SETBP1: variants seen among roughly 807,000 people sequenced by gnomAD.
The protein encoded by SETBP1 is SET binding protein 1.
A neutral mutation model predicts 101.0 loss-of-function variants in SETBP1; 9 were observed. The ratio of observed to expected loss-of-function variants is 0.09; its 90% CI spans 0.05 to 0.16. The LOEUF (loss-of-function observed/expected upper bound fraction) is 0.16. Ranked by LOEUF, SETBP1 falls within the 10% of genes least tolerant of loss-of-function variation. SETBP1 has a pLI of 1.00. For missense variants in SETBP1, 1,858 were observed against 2,033.8 expected (o/e 0.91, Z 1.66); for synonymous variants, 818 against 788.5 (o/e 1.04, Z -0.63).
intron 2 of SETBP1, among the ~76,000 whole-genome samples, chr18:44,840,285 C>T (rs1369547628): frequency 2.0e-5 from 3 of 152,214 alleles, no homozygotes; most frequent in Non-Finnish European, 4.4e-5. Flanking sequence ...AGCCAATGAG[C>T]CAGCATGCCT....
intron 2 of SETBP1, among the ~76,000 whole-genome samples, chr18:44,769,978 A>G: frequency 6.6e-6 from 1 of 152,248 alleles, no homozygotes; most frequent in East Asian, 1.9e-4. Context: ...CAACTGAACC[A>G]TCTAAAGAAA....
chr18:44,837,648 G>C (rs942421326), intron 2 of SETBP1, among the ~76,000 whole-genome samples: 2 of 152,128 alleles, frequency 1.3e-5, no homozygotes, highest in Non-Finnish European at 2.9e-5. Context: ...GAGGCGATGC[G>C]GTCCATTTGC....
At chr18:44,961,642 A>G (rs2071613364) in intron 4 of SETBP1, among the ~76,000 whole-genome samples, 1 of 152,188 alleles carries the variant, frequency 6.6e-6, no homozygotes, top group African/African-American at 2.4e-5. Context: ...ATACTATGTC[A>G]TTCCACATGT....
Position 44,951,788 on chromosome 18 carries a change from C to T in SETBP1, c.2448C>T (p.Thr816=). ...PNLQPISALP[T]KTQKGIHSGT... ...TCCAGCCCATCAGTGCTCTTCCAAC[C>T]AAAACCCAAAAGGGAATACACAGTG... is the stretch of plus-strand genomic sequence containing the variant. Residue 816 remains threonine, a synonymous_variant, in exon 4 of 6, where the codon ACC becomes ACT. Transcript: ENST00000649279. The surrounding 1 kb of genome is among the most constrained non-coding windows in gnomAD (Gnocchi z 7.8). The T allele has an allele frequency of 6.2e-7, 1 of 1,614,096 alleles. No homozygotes were observed. The highest frequency in any genetic ancestry group is 8.5e-7 in the Non-Finnish European group (1 of 1,180,026).
At chr18:44,947,003 GCTT>G (rs1236505154) in intron 3 of SETBP1, among the ~76,000 whole-genome samples, 15 of 152,192 alleles carry the variant, frequency 9.9e-5, no homozygotes, top group African/African-American at 3.4e-4. Context: ...TAAAATGTAT[GCTT>G]CTTCATTCAT....
chr18:44,886,621 C>T (rs1182264619), intron 3 of SETBP1, among the ~76,000 whole-genome samples: 2 of 151,832 alleles, frequency 1.3e-5, no homozygotes, highest in African/African-American at 4.8e-5. Context: ...TAGGAAGGGC[C>T]CTGTCACCTT....
rs2070312507 is a variant in SETBP1 at position 44,911,677 on chromosome 18, C to A, written c.541-38204C>A. On this transcript the variant is annotated intron_variant, in intron 3 of 5. Transcript: ENST00000649279. ...AAATTGTACTACAGGTCTAGCCCTG[C>A]CAAACCTCACCCAGGGAGCCCTCTG... 1.3e-5 allele frequency among the ~76,000 whole-genome samples: 2 copies of A among 152,196 alleles called. 1 individual carries two copies. The highest frequency in any genetic ancestry group is 4.1e-4 in the South Asian group (2 of 4,826).
chr18:44,928,142 A>G (rs1273389546), intron 3 of SETBP1, among the ~76,000 whole-genome samples: 1 of 152,090 alleles, frequency 6.6e-6, no homozygotes, highest in East Asian at 1.9e-4. Flanking sequence ...AAGTGTTCTC[A>G]TTGTTCAATT....
chr18:45,026,961 G>A lies in SETBP1; in HGVS notation c.4001-11524G>A, dbSNP rs538033546. ...TCCCCCACCACCACTGACCTGGGAA[G>A]AATAGAATCTGATGTTGGAGATGCA... On this transcript the variant is annotated intron_variant, in intron 4 of 5. Transcript: ENST00000649279. Among the ~76,000 whole-genome samples, 31 of 152,298 alleles carry A rather than the reference G, an allele frequency of 2.0e-4. 1 individual carries two copies. Among genetic ancestry groups the A allele is most frequent in the Admixed American group, 7.2e-4 (11 of 15,282 alleles).
rs148266594 is a variant in SETBP1, at chr18:44,977,028, G to A, written c.4000+23688G>A. On this transcript the variant is annotated intron_variant, in intron 4 of 5. Coordinates refer to ENST00000649279, the MANE Select transcript of SETBP1 (RefSeq NM_015559.3). The stretch of plus-strand genomic sequence containing the variant: ...TTGATATATGTAAAGAACATATTGA[G>A]TTTCTAACCTGTAATAAATCATCAA... Among the ~76,000 whole-genome samples the A allele has an allele frequency of 7.1e-3, 1,087 of 152,252 alleles. 8 individuals are homozygous for A. Among genetic ancestry groups the A allele is most frequent in the African/African-American group, 0.024 (1,017 of 41,552 alleles).
At chr18:45,016,198 T>TA (rs1568029704) in intron 4 of SETBP1, among the ~76,000 whole-genome samples, 1 of 152,186 alleles carries the variant, frequency 6.6e-6, no homozygotes, top group Non-Finnish European at 1.5e-5. Context: ...GGGGGAGGTT[T>TA]TCCCTTATAC....
intron 2 of SETBP1, among the ~76,000 whole-genome samples, chr18:44,788,028 G>A (rs1353976123): frequency 5.3e-5 from 8 of 150,248 alleles, no homozygotes; most frequent in Non-Finnish European, 7.4e-5. Flanking sequence ...CACAATAGGA[G>A]CAGAGCTATG....
At chr18:44,928,215 T>G (rs1027164422) in intron 3 of SETBP1, among the ~76,000 whole-genome samples, 1 of 152,204 alleles carries the variant, frequency 6.6e-6, no homozygotes, top group African/African-American at 2.4e-5. Flanking sequence ...TTGCTCAGAA[T>G]GATGGTTTCC....
At chr18:45,038,100 G>A (rs1003136940) in intron 4 of SETBP1, among the ~76,000 whole-genome samples, 12 of 152,158 alleles carry the variant, frequency 7.9e-5, no homozygotes, top group Non-Finnish European at 1.3e-4. Context: ...GAGATGAGAA[G>A]TCTTACTAGG....
At chr18:45,040,053 A>T (rs1303906315) in intron 5 of SETBP1, among the ~76,000 whole-genome samples, 1 of 152,200 alleles carries the variant, frequency 6.6e-6, no homozygotes, top group African/African-American at 2.4e-5. Flanking sequence ...ACACCGAATT[A>T]CACAATCATA....
chr18:44,994,607 T>C (rs999493359), intron 4 of SETBP1, among the ~76,000 whole-genome samples: 2 of 152,216 alleles, frequency 1.3e-5, no homozygotes, highest in Non-Finnish European at 2.9e-5. Context: ...GGGAAAATTT[T>C]TTTTGTGATA....
At chr18:44,817,167 A>G (rs1308958106) in intron 2 of SETBP1, among the ~76,000 whole-genome samples, 1 of 152,206 alleles carries the variant, frequency 6.6e-6, no homozygotes, top group Non-Finnish European at 1.5e-5. Context: ...AGAGCATTTA[A>G]TAAGAGACTT....
intron 2 of SETBP1, among the ~76,000 whole-genome samples, chr18:44,848,707 CT>C (rs2072781224): frequency 6.6e-6 from 1 of 152,228 alleles, no homozygotes; most frequent in African/African-American, 2.4e-5. Flanking sequence ...GATTACATTT[CT>C]GACAATGCAT....
At chr18:44,687,872 C>G (rs1325816769) in intron 1 of SETBP1, among the ~76,000 whole-genome samples, 1 of 152,098 alleles carries the variant, frequency 6.6e-6, no homozygotes, top group Non-Finnish European at 1.5e-5. Flanking sequence ...CTCTCCATCC[C>G]CATAGCACCT....
Sources: allele counts gnomAD v4.1 joint callset (sites outside exome capture counted in the v4.1 genomes callset), GRCh38; gene constraint gnomAD v4.1.1; non-coding constraint Gnocchi (gnomAD v3.1); transcripts MANE v1.5; gene names NCBI Gene and HGNC (gene_info 2026-07-23, HGNC 2026-07-21).